WDR64: variants seen among roughly 807,000 people sequenced by gnomAD.
WDR64 encodes WD repeat domain 64.
A neutral mutation model predicts 139.3 loss-of-function variants in WDR64; 112 were observed. That is an observed-to-expected ratio of 0.80 (90% CI 0.69 to 0.94). The LOEUF (loss-of-function observed/expected upper bound fraction) is 0.94. Ranked by LOEUF, WDR64 falls within the 40% of genes least tolerant of loss-of-function variation. WDR64 has a pLI of 0.00. For missense variants in WDR64, 1,206 were observed against 1,293.1 expected, an observed-to-expected ratio of 0.93 and a Z score of 1.03; for synonymous variants, 444 against 437.7, an observed-to-expected ratio of 1.01 and a Z score of -0.18.
intron 22 of WDR64, among the ~76,000 whole-genome samples, chr1:241,782,489 CA>C (rs1658884779): frequency 6.6e-6 from 1 of 152,092 alleles, no homozygotes; most frequent in African/African-American, 2.4e-5. Flanking sequence ...TGACCCAGGA[CA>C]AAGTAAGGTG....
At chr1:241,736,152 C>T (rs1169528851) in intron 10 of WDR64, among the ~76,000 whole-genome samples, 1 of 152,110 alleles carries the variant, frequency 6.6e-6, no homozygotes, top group Non-Finnish European at 1.5e-5. Context: ...TCTTCTGGTC[C>T]TGTCTGTCTG....
chr1:241,714,984 A>C (rs1282452406), intron 9 of WDR64, among the ~76,000 whole-genome samples: 6 of 152,204 alleles, frequency 3.9e-5, no homozygotes, highest in African/African-American at 1.4e-4. Flanking sequence ...GAAAATTTGG[A>C]ACCCAGTTTG....
intron 15 of WDR64, among the ~76,000 whole-genome samples, chr1:241,759,145 A>C (rs1670327938): frequency 6.6e-6 from 1 of 152,156 alleles, no homozygotes; most frequent in South Asian, 2.1e-4. Flanking sequence ...ATTGTACATT[A>C]CATTATATTC....
chr1:241,762,656 C>T (rs1657973069), intron 15 of WDR64, among the ~76,000 whole-genome samples: 1 of 151,758 alleles, frequency 6.6e-6, no homozygotes, highest in Admixed American at 6.6e-5. Flanking sequence ...AAGAAAACTG[C>T]AAGTTACAGC....
At chr1:241,730,859 T>A (rs1286628059) in intron 10 of WDR64, among the ~76,000 whole-genome samples, 1 of 152,196 alleles carries the variant, frequency 6.6e-6, no homozygotes, top group African/African-American at 2.4e-5. Flanking sequence ...GACATAGACA[T>A]CAAGTTCAAT....
chr1:241,701,785 A>G (rs1294087414), intron 8 of WDR64, among the ~76,000 whole-genome samples: 1 of 152,260 alleles, frequency 6.6e-6, no homozygotes, highest in Non-Finnish European at 1.5e-5. Flanking sequence ...TTTCCTGAGC[A>G]GCCACTGCCA....
rs1666688107 is a variant in WDR64 at position 241,679,479 on chromosome 1, T to C, written c.514-6T>C. 4.5e-6 allele frequency: 7 copies of C among 1,551,358 alleles called. No individual in the cohort carries two copies. Among genetic ancestry groups the C allele is most frequent in the African/African-American group, 2.7e-5 (2 of 73,028 alleles). On this transcript the variant is annotated splice_region_variant and splice_polypyrimidine_tract_variant and intron_variant, in intron 5 of 27. Transcript: ENST00000437684. ...TATATCCCCCAATTCTCTGCTTTTC[T>C]ATCAGGACACCTCCTGGATTACAGG... is the stretch of plus-strand genomic sequence containing the variant.
chr1:241,764,281 G>T (rs759486747), intron 15 of WDR64, among the ~76,000 whole-genome samples: 2 of 152,180 alleles, frequency 1.3e-5, no homozygotes, highest in Non-Finnish European at 2.9e-5. Flanking sequence ...CTTTGATGCT[G>T]CCTGGATGAC....
chr1:241,787,994 A>G lies in WDR64; in HGVS notation c.2851A>G (p.Lys951Glu), dbSNP rs1168840669. 1 of 1,602,332 alleles carries G rather than the reference A, an allele frequency of 6.2e-7. No homozygotes were observed. Among genetic ancestry groups the G allele is most frequent in the Non-Finnish European group, 8.5e-7 (1 of 1,176,996 alleles). ...EIKEESKFTEKQKYEYPLIFD... is the reference protein window; with the variant it reads ...EIKEESKFTEEQKYEYPLIFD... ...AAAAGAAGAAAGCAAGTTCACAGAGAAGCAAAAATATGAATATCCTCTGAT... is the reference window on the plus strand; with the variant it reads ...AAAAGAAGAAAGCAAGTTCACAGAGGAGCAAAAATATGAATATCCTCTGAT... The change falls in exon 24 of 28, where the codon AAG becomes GAG. Residue 951 changes from lysine (K) to glutamate (E), a missense_variant. By Grantham distance (56) the Lys-to-Glu change is moderately conservative. Transcript: ENST00000437684.
intron 21 of WDR64, 106 bp from the exon 22 acceptor site, chr1:241,779,898 G>T (rs1456657659): frequency 4.1e-6 from 3 of 734,752 alleles, no homozygotes; most frequent in Non-Finnish European, 4.4e-6. Context: ...CTCAGGTTCT[G>T]TTTTATTCAG....
intron 2 of WDR64, among the ~76,000 whole-genome samples, chr1:241,670,502 C>T (rs1031565774): frequency 6.6e-6 from 1 of 152,208 alleles, no homozygotes; most frequent in Non-Finnish European, 1.5e-5. Context: ...ATAGATCTAT[C>T]AGTCTGAGTG....
At chr1:241,752,810 C>A (rs1670028640) in intron 14 of WDR64, among the ~76,000 whole-genome samples, 1 of 152,122 alleles carries the variant, frequency 6.6e-6, no homozygotes, top group Non-Finnish European at 1.5e-5. Flanking sequence ...AAAATTGCAC[C>A]ACTGCACTCC....
intron 8 of WDR64, among the ~76,000 whole-genome samples, chr1:241,708,074 G>T (rs1171010668): frequency 1.3e-5 from 2 of 152,156 alleles, no homozygotes; most frequent in Non-Finnish European, 2.9e-5. Context: ...AAGAGTGCTT[G>T]TTCTTTCTTG....
chr1:241,679,931 G>T (rs1018249301), intron 6 of WDR64, among the ~76,000 whole-genome samples: 1 of 152,108 alleles, frequency 6.6e-6, no homozygotes, highest in African/African-American at 2.4e-5. Flanking sequence ...CCCGAGTCCA[G>T]CTTCATTAGG....
intron 2 of WDR64, among the ~76,000 whole-genome samples, chr1:241,663,325 C>T (rs1665904656): frequency 6.6e-6 from 1 of 152,204 alleles, no homozygotes. Flanking sequence ...CCTTCTTTTG[C>T]CATTACTGGC....
chr1:241,656,194 G>A lies in WDR64; in HGVS notation c.145+3565G>A, dbSNP rs1275680695. ...GAAATGTCATCTTCACTTTTGTCAG[G>A]CTGTTAATAATGTCTGGCACAAATT... On this transcript the variant is annotated intron_variant, in intron 1 of 27. Coordinates refer to ENST00000437684, the MANE Select transcript of WDR64 (RefSeq NM_001367482.1). The surrounding 1 kb of genome is among the most constrained non-coding windows in gnomAD (Gnocchi z 4.3). Among the ~76,000 whole-genome samples the A allele has an allele frequency of 6.6e-6, 1 of 152,114 alleles. No individual in the cohort carries two copies. The highest frequency in any genetic ancestry group is 1.9e-4 in the East Asian group (1 of 5,202).
At chr1:241,692,003 A>T (rs1667317152) in intron 8 of WDR64, among the ~76,000 whole-genome samples, 1 of 151,392 alleles carries the variant, frequency 6.6e-6, no homozygotes. Flanking sequence ...ACAGAGCAAG[A>T]CTCCATCTCA....
rs537945961 is a variant in WDR64, at chr1:241,794,941, A to T, written c.2998-266A>T. ...TTTTGTCCATTCCTTTTCATTTTCA[A>T]TTATGTAATATTTATCTATTCACCT... On this transcript the variant is annotated intron_variant, in intron 25 of 27. Transcript: ENST00000437684. 3.9e-5 allele frequency among the ~76,000 whole-genome samples: 6 copies of T among 152,264 alleles called. No individual in the cohort carries two copies. In the South Asian group the frequency reaches 1.2e-3, roughly 31 times the overall value.
At chr1:241,738,715 G>T (rs976194919) in intron 11 of WDR64, among the ~76,000 whole-genome samples, 3 of 152,138 alleles carry the variant, frequency 2.0e-5, no homozygotes, top group African/African-American at 7.2e-5. Flanking sequence ...TACCAGGTTG[G>T]TTATTGCTTT....
Sources: gnomAD v4.1 joint callset for allele counts (sites outside exome capture counted in the v4.1 genomes callset) on GRCh38, gnomAD v4.1.1 for gene constraint, Gnocchi (gnomAD v3.1) non-coding constraint, MANE v1.5 for transcripts, NCBI Gene and HGNC (gene_info 2026-07-23, HGNC 2026-07-21) for gene names.